RBFOX1: variants seen among roughly 807,000 people sequenced by gnomAD.
RBFOX1 encodes RNA binding protein fox-1 homolog 1.
A neutral mutation model predicts 57.7 loss-of-function variants in RBFOX1; 8 were observed. The ratio of observed to expected loss-of-function variants is 0.14; its 90% CI spans 0.08 to 0.25. RBFOX1 has a LOEUF of 0.25. Ranked by LOEUF, RBFOX1 falls within the 10% of genes least tolerant of loss-of-function variation. RBFOX1 has a pLI of 1.00. For missense variants in RBFOX1, 611 were observed against 548.5 expected (o/e 1.11, Z -1.14); for synonymous variants, 326 against 222.4 (o/e 1.47, Z -4.15).
chr16:6,480,634 A>G (rs187323858), intron 2 of RBFOX1, among the ~76,000 whole-genome samples: 21 of 152,368 alleles, frequency 1.4e-4, no homozygotes, highest in African/African-American at 4.8e-4. Flanking sequence ...TGTTCCCAGT[A>G]CATTCACAAA....
chr16:6,092,056 A>G (rs1485167807), intron 1 of RBFOX1, among the ~76,000 whole-genome samples: 1 of 152,262 alleles, frequency 6.6e-6, no homozygotes, highest in Non-Finnish European at 1.5e-5. Flanking sequence ...CCTTGAAGAC[A>G]TACTTAAGAG....
chr16:5,582,547 C>CTT (rs57853959), intron 2 of RBFOX1, among the ~76,000 whole-genome samples: 48 of 92,842 alleles, frequency 5.2e-4, no homozygotes, highest in African/African-American at 1.5e-3. Context: ...AAGCACGTCA[C>CTT]TTTTTTTTTT....
intron 3 of RBFOX1, among the ~76,000 whole-genome samples, chr16:7,021,915 T>TC (rs1568407149): frequency 1.3e-5 from 2 of 150,040 alleles, no homozygotes; most frequent in Non-Finnish European, 3.0e-5. Context: ...TTTCTTTCTT[T>TC]TCTTTCTTTC....
chr16:7,460,370 A>AATATATATATATATATATATATATATAT (rs879898472), intron 4 of RBFOX1, among the ~76,000 whole-genome samples: 13 of 75,980 alleles, frequency 1.7e-4, no homozygotes, highest in Non-Finnish European at 1.8e-4. Context: ...CATTTAGCAA[A>AATATATATATATATATATATATATATAT]ATATATATAT....
intron 1 of RBFOX1, among the ~76,000 whole-genome samples, chr16:5,313,085 T>C (rs2064135962): frequency 6.6e-6 from 1 of 152,114 alleles, no homozygotes; most frequent in Non-Finnish European, 1.5e-5. Context: ...CTGTGAACTG[T>C]TTGATTTTGT....
At chr16:5,963,313 A>G (rs886709205) in intron 4 of RBFOX1, among the ~76,000 whole-genome samples, 2 of 152,314 alleles carry the variant, frequency 1.3e-5, no homozygotes, top group South Asian at 4.1e-4. Context: ...TAGAGCAGTT[A>G]TCATTCCCAC....
chr16:7,404,830 T>C (rs2098310217), intron 4 of RBFOX1, among the ~76,000 whole-genome samples: 1 of 152,176 alleles, frequency 6.6e-6, no homozygotes, highest in Non-Finnish European at 1.5e-5. Context: ...CAGAAACAGA[T>C]GTGGGCTCTC....
Position 5,925,864 on chromosome 16 carries a change from A to G in RBFOX1, c.351+58529A>G, listed in dbSNP as rs186434427. 7.2e-5 allele frequency among the ~76,000 whole-genome samples: 11 copies of G among 152,278 alleles called. No homozygotes were observed. The East Asian group carries it at 2.1e-3, about 29-fold the overall frequency. ...TACCTGGGCCCCTCTCAGCACTGCT[A>G]CCTTGGGCAGTGTTTCACTACCACA... On this transcript the variant is annotated intron_variant, in intron 4 of 19. Transcript: ENST00000641259.
intron 1 of RBFOX1, among the ~76,000 whole-genome samples, chr16:5,446,982 G>C (rs954331360): frequency 6.6e-6 from 1 of 152,082 alleles, no homozygotes; most frequent in African/African-American, 2.4e-5. Flanking sequence ...GGAGTCAATG[G>C]GATAAGTGAT....
intron 3 of RBFOX1, among the ~76,000 whole-genome samples, chr16:6,879,894 A>T (rs1316498400): frequency 6.6e-6 from 1 of 152,230 alleles, no homozygotes; most frequent in African/African-American, 2.4e-5. Flanking sequence ...TCACAGTTAA[A>T]TCTGATCATT....
At chr16:7,653,976 T>C (rs779938611) in intron 12 of RBFOX1, 29 bp downstream of exon 12, 3 of 1,464,970 alleles carry the variant, frequency 2.0e-6, no homozygotes, top group Non-Finnish European at 2.7e-6. Context: ...TGGGTGGGCC[T>C]CCCTGCACCA....
chr16:5,841,317 G>C (rs933124208), intron 3 of RBFOX1, among the ~76,000 whole-genome samples: 32 of 152,290 alleles, frequency 2.1e-4, no homozygotes, highest in African/African-American at 7.5e-4. Flanking sequence ...GCTGGATTCA[G>C]GGAATGTTCT....
chr16:6,950,719 G>A (rs1159291999), intron 3 of RBFOX1, among the ~76,000 whole-genome samples: 1 of 152,178 alleles, frequency 6.6e-6, no homozygotes, highest in African/African-American at 2.4e-5. Flanking sequence ...GGAGAACAAT[G>A]CTGGGAAAGG....
intron 4 of RBFOX1, among the ~76,000 whole-genome samples, chr16:7,478,802 T>C (rs1184575110): frequency 6.6e-6 from 1 of 152,186 alleles, no homozygotes; most frequent in Non-Finnish European, 1.5e-5. Context: ...ATGGATCTAG[T>C]CTAGATGCCA....
intron 4 of RBFOX1, among the ~76,000 whole-genome samples, chr16:7,396,640 C>T (rs948735722): frequency 6.6e-6 from 1 of 152,174 alleles, no homozygotes; most frequent in African/African-American, 2.4e-5. Context: ...GACAACACTT[C>T]TCAAAACACA....
intron 4 of RBFOX1, among the ~76,000 whole-genome samples, chr16:7,320,682 C>T (rs1255179725): frequency 6.6e-6 from 1 of 152,350 alleles, no homozygotes; most frequent in African/African-American, 2.4e-5. Flanking sequence ...AGTGAATCAT[C>T]ATTTAAACGC....
intron 1 of RBFOX1, among the ~76,000 whole-genome samples, chr16:5,372,929 G>T (rs749226785): frequency 7.9e-5 from 12 of 152,186 alleles, no homozygotes; most frequent in Non-Finnish European, 1.2e-4. Flanking sequence ...TTCTGAAGAC[G>T]GGGAGAAGAG....
intron 3 of RBFOX1, among the ~76,000 whole-genome samples, chr16:7,049,138 C>G (rs1409551717): frequency 3.3e-5 from 5 of 152,168 alleles, no homozygotes; most frequent in Admixed American, 2.6e-4. Flanking sequence ...CCGGGATCCT[C>G]AAAGTAATAT....
chr16:7,385,744 T>C (rs1052682522), intron 4 of RBFOX1, among the ~76,000 whole-genome samples: 2 of 151,948 alleles, frequency 1.3e-5, no homozygotes. Flanking sequence ...TGTGAGACTT[T>C]TAGCTTTTAA....
Sources: gnomAD v4.1 joint callset for allele counts (sites outside exome capture counted in the v4.1 genomes callset) on GRCh38, gnomAD v4.1.1 for gene constraint, MANE v1.5 for transcripts, NCBI Gene and HGNC (gene_info 2026-07-23, HGNC 2026-07-21) for gene names.